The following GRIN2A variants were observed in gnomAD, a reference collection of about 807,000 sequenced individuals.
GRIN2A encodes the protein glutamate ionotropic receptor NMDA type subunit 2A.
A neutral mutation model predicts 113.4 loss-of-function variants in GRIN2A; 22 were observed. The ratio of observed to expected loss-of-function variants is 0.19; its 90% CI spans 0.14 to 0.28. The LOEUF (loss-of-function observed/expected upper bound fraction) is 0.28, where lower values mean the gene tolerates loss of function less well. Ranked by LOEUF, GRIN2A falls within the 10% of genes least tolerant of loss-of-function variation. The probability of loss-of-function intolerance (pLI) is 1.00; values close to 1 mark genes in which losing one functional copy is unlikely to be tolerated. For synonymous variants in GRIN2A, 827 were observed against 738.4 expected (o/e 1.12, Z -1.94); for missense variants, 1,502 against 1,887.0 (o/e 0.80, Z 3.78).
chr16:10,074,659 T>C (rs1427140120), intron 2 of GRIN2A, among the ~76,000 whole-genome samples: 1 of 152,216 alleles, frequency 6.6e-6, no homozygotes, highest in Non-Finnish European at 1.5e-5. Flanking sequence ...CAATTCCATT[T>C]ACATGAAATT....
chr16:10,017,354 C>G (rs567715657), intron 2 of GRIN2A, among the ~76,000 whole-genome samples: 94 of 150,850 alleles, frequency 6.2e-4, no homozygotes, highest in Middle Eastern at 3.4e-3. Context: ...CTTGGTGGGG[C>G]GGCAGTCAGA....
chr16:10,116,615 G>T (rs192057904), intron 2 of GRIN2A, among the ~76,000 whole-genome samples: 2 of 152,184 alleles, frequency 1.3e-5, no homozygotes, highest in Non-Finnish European at 2.9e-5. Flanking sequence ...GTGATCACAG[G>T]AAGTGTGGTG....
At chr16:10,080,674 G>C (rs535428620) in intron 2 of GRIN2A, among the ~76,000 whole-genome samples, 114 of 152,266 alleles carry the variant, frequency 7.5e-4, no homozygotes, top group African/African-American at 2.4e-3. Flanking sequence ...GGGAGCGATG[G>C]AGTACAGATG....
chr16:10,019,307 G>A (rs2046672240), intron 2 of GRIN2A, among the ~76,000 whole-genome samples: 1 of 152,150 alleles, frequency 6.6e-6, no homozygotes. Flanking sequence ...GTTTATCATT[G>A]TTTTATAATT....
chr16:10,029,219 A>C (rs951469415), intron 2 of GRIN2A, among the ~76,000 whole-genome samples: 1 of 151,582 alleles, frequency 6.6e-6, no homozygotes, highest in African/African-American at 2.4e-5. Context: ...TTTCAGACAG[A>C]GTTTCGCTCT....
intron 11 of GRIN2A, among the ~76,000 whole-genome samples, chr16:9,781,261 G>T (rs1269665015): frequency 2.6e-5 from 4 of 152,160 alleles, no homozygotes; most frequent in African/African-American, 9.7e-5. Flanking sequence ...ATAGCATGTT[G>T]CACCTTCTAA....
At chr16:10,037,683 C>T (rs34478079) in intron 2 of GRIN2A, among the ~76,000 whole-genome samples, 35,128 of 151,998 alleles carry the variant, frequency 0.23, 4,800 homozygotes, top group East Asian at 0.52. Context: ...TGGTGTGCAG[C>T]GGAGTGATCA....
At position 10,091,499 on chromosome 16, in the gene GRIN2A, C is replaced by G. The variant is rs957218530; in HGVS notation, c.414+88499G>C. On this transcript the variant is annotated intron_variant, in intron 2 of 12. Transcript: ENST00000330684. ...ACACACACACACACACACAAACACA[C>G]AAAATTAGCTGGGTGTGGTAGTGTA... Among the ~76,000 whole-genome samples the G allele has an allele frequency of 1.1e-4, 17 of 150,938 alleles. 1 individual carries two copies. Among genetic ancestry groups the G allele is most frequent in the African/African-American group, 3.9e-4 (16 of 40,960 alleles).
rs190687889 is a variant in GRIN2A at position 10,067,276 on chromosome 16, C to T, written c.414+112722G>A. Among the ~76,000 whole-genome samples, 252 of 152,208 alleles carry T rather than the reference C, an allele frequency of 1.7e-3. 2 individuals are homozygous for T. Among genetic ancestry groups the T allele is most frequent in the African/African-American group, 5.9e-3 (247 of 41,538 alleles). Reference sequence around the variant, plus strand: ...ATTTGCTTTAAATCCACATAAAATACCCACGAAAAATTCACACTCCATCTC... The same window carrying T: ...ATTTGCTTTAAATCCACATAAAATATCCACGAAAAATTCACACTCCATCTC... On this transcript the variant is annotated intron_variant, in intron 2 of 12. Coordinates refer to ENST00000330684, the MANE Select transcript of GRIN2A (RefSeq NM_001134407.3).
At chr16:9,947,710 A>T (rs886606441) in intron 2 of GRIN2A, among the ~76,000 whole-genome samples, 2 of 152,174 alleles carry the variant, frequency 1.3e-5, no homozygotes, top group Non-Finnish European at 2.9e-5. Flanking sequence ...AGAGGGTTCA[A>T]ATTTCAGCTC....
chr16:10,156,142 C>T (rs2049690726), intron 2 of GRIN2A, among the ~76,000 whole-genome samples: 3 of 152,204 alleles, frequency 2.0e-5, no homozygotes. Flanking sequence ...TACCTGACTT[C>T]TTTCTCCCTA....
chr16:10,153,217 G>A (rs907715545), intron 2 of GRIN2A, among the ~76,000 whole-genome samples: 1 of 152,146 alleles, frequency 6.6e-6, no homozygotes, highest in Non-Finnish European at 1.5e-5. Flanking sequence ...GGGGGTATTT[G>A]GGATATCTCT....
intron 4 of GRIN2A, among the ~76,000 whole-genome samples, chr16:9,868,094 G>A (rs1234446823): frequency 2.0e-5 from 3 of 152,154 alleles, no homozygotes; most frequent in Admixed American, 6.5e-5. Flanking sequence ...CAATCACCAA[G>A]CCTTGATAGT....
At chr16:9,785,449 G>C in intron 11 of GRIN2A, among the ~76,000 whole-genome samples, 1 of 105,264 alleles carries the variant, frequency 9.5e-6, no homozygotes, top group Non-Finnish European at 1.8e-5. Flanking sequence ...TGGGGTGGGG[G>C]GAGGGGGGAG....
chr16:9,939,388 A>G (rs1399206325), intron 2 of GRIN2A, among the ~76,000 whole-genome samples: 2 of 152,192 alleles, frequency 1.3e-5, no homozygotes, highest in East Asian at 3.9e-4. Flanking sequence ...AGCTTGGCAG[A>G]AATCCAAGCA....
chr16:9,936,416 G>A (rs1428475171), intron 3 of GRIN2A, among the ~76,000 whole-genome samples: 1 of 152,190 alleles, frequency 6.6e-6, no homozygotes, highest in African/African-American at 2.4e-5. Context: ...ACAGAAAGTG[G>A]ACGAGACAAG....
intron 11 of GRIN2A, among the ~76,000 whole-genome samples, chr16:9,783,239 G>A (rs1290668457): frequency 6.6e-6 from 1 of 152,204 alleles, no homozygotes; most frequent in Non-Finnish European, 1.5e-5. Flanking sequence ...GTCTTTAGCT[G>A]CACTTTCCCC....
intron 2 of GRIN2A, among the ~76,000 whole-genome samples, chr16:10,178,211 G>A (rs1352216207): frequency 3.3e-5 from 5 of 152,154 alleles, no homozygotes; most frequent in African/African-American, 1.2e-4. Context: ...TTCTTTAGAA[G>A]ATTGGCCCCT....
intron 3 of GRIN2A, among the ~76,000 whole-genome samples, chr16:9,918,697 A>G (rs2141574871): frequency 6.6e-6 from 1 of 152,286 alleles, no homozygotes; most frequent in South Asian, 2.1e-4. Context: ...TTAAAATGTC[A>G]CTTTGTTAAC....
Sources: allele counts gnomAD v4.1 joint callset (sites outside exome capture counted in the v4.1 genomes callset), GRCh38; gene constraint gnomAD v4.1.1; transcripts MANE v1.5; gene names NCBI Gene and HGNC (gene_info 2026-07-23, HGNC 2026-07-21).